Variants in CRPPA observed in about 807,000 individuals in gnomAD.
CRPPA encodes CDP-L-ribitol pyrophosphorylase A.
CRPPA carries 43 observed loss-of-function variants against 52.0 expected under a neutral mutation model. The observed-to-expected ratio is 0.83, with a 90% CI of 0.65 to 1.07. The LOEUF is 1.07. CRPPA is among the 50% of genes least tolerant of loss of function. The probability of loss-of-function intolerance (pLI) is 0.00; values close to 1 mark genes in which losing one functional copy is unlikely to be tolerated. For synonymous variants in CRPPA, 250 were observed against 203.5 expected, an observed-to-expected ratio of 1.23 and a Z score of -1.94; for missense variants, 629 against 551.7, an observed-to-expected ratio of 1.14 and a Z score of -1.40.
Position 16,400,034 on chromosome 7 carries a change from G to A in CRPPA, c.534+6027C>T, listed in dbSNP as rs182839833. On this transcript the variant is annotated intron_variant, in intron 2 of 9. Coordinates refer to ENST00000407010, the MANE Select transcript of CRPPA (RefSeq NM_001101426.4). ...GACTCGCGAATGACATGATTAGTAC[G>A]TGACGAATACACAACACGTGATTGG... 2.1e-3 allele frequency among the ~76,000 whole-genome samples: 318 copies of A among 152,208 alleles called. 2 individuals carry two copies. Among genetic ancestry groups the A allele is most frequent in the African/African-American group, 7.1e-3 (294 of 41,536 alleles).
intron 9 of CRPPA, among the ~76,000 whole-genome samples, chr7:16,117,497 A>G (rs1782399365): frequency 6.6e-6 from 1 of 152,188 alleles, no homozygotes; most frequent in Non-Finnish European, 1.5e-5. Flanking sequence ...GTCAGGAAGG[A>G]TGGAAGAGCA....
At chr7:16,116,628 C>T (rs182528055) in intron 9 of CRPPA, among the ~76,000 whole-genome samples, 8 of 129,922 alleles carry the variant, frequency 6.2e-5, no homozygotes, top group African/African-American at 2.2e-4. Context: ...CACCACTGCA[C>T]CCAGCCTGGG....
At chr7:16,380,146 T>A (rs1264955731) in intron 2 of CRPPA, among the ~76,000 whole-genome samples, 2 of 151,210 alleles carry the variant, frequency 1.3e-5, no homozygotes, top group Non-Finnish European at 2.9e-5. Context: ...CAGCTCTTAT[T>A]ATTTTGAGAT....
chr7:16,152,586 G>A (rs926442191), intron 9 of CRPPA, among the ~76,000 whole-genome samples: 1 of 152,062 alleles, frequency 6.6e-6, no homozygotes, highest in East Asian at 1.9e-4. Flanking sequence ...GGACTGAAAT[G>A]TTGTGAAACT....
chr7:16,288,653 T>G (rs1432475306), intron 5 of CRPPA, among the ~76,000 whole-genome samples: 1 of 151,534 alleles, frequency 6.6e-6, no homozygotes, highest in Admixed American at 6.6e-5. Context: ...TGAGGCCAGC[T>G]TGGCCAACAT....
chr7:16,257,211 G>C (rs564183971), intron 8 of CRPPA, among the ~76,000 whole-genome samples: 2 of 152,208 alleles, frequency 1.3e-5, no homozygotes, highest in South Asian at 4.1e-4. Flanking sequence ...TGAGTTCAAA[G>C]CCTTTGTTAT....
At chr7:16,102,096 T>G (rs1316737966) in intron 9 of CRPPA, among the ~76,000 whole-genome samples, 1 of 152,102 alleles carries the variant, frequency 6.6e-6, no homozygotes, top group Non-Finnish European at 1.5e-5. Context: ...ATGGTACTGG[T>G]ACCAAAACAG....
chr7:16,150,907 C>T (rs1328157442), intron 9 of CRPPA, among the ~76,000 whole-genome samples: 1 of 152,168 alleles, frequency 6.6e-6, no homozygotes, highest in African/African-American at 2.4e-5. Context: ...AATAAACCCT[C>T]TCTGGCAAAT....
In CRPPA at chr7:16,306,086, C is replaced by T. The variant is rs199851774; in HGVS notation, c.789+2437G>A. ...TCCACCTCCATCATCACATGGCCTT[C>T]TCCCTGTATCTGTGTCTCTTCTATT... is the stretch of plus-strand genomic sequence containing the variant. On this transcript the variant is annotated intron_variant, in intron 4 of 9. Transcript: ENST00000407010. Among the ~76,000 whole-genome samples the T allele has an allele frequency of 2.6e-3, 389 of 152,304 alleles. 15 individuals carry two copies. The East Asian group carries it at 0.057, about 22-fold the overall frequency.
At chr7:16,379,216 T>C (rs1787002588) in intron 2 of CRPPA, among the ~76,000 whole-genome samples, 1 of 152,240 alleles carries the variant, frequency 6.6e-6, no homozygotes, top group Non-Finnish European at 1.5e-5. Flanking sequence ...GCCTAGGTTT[T>C]CTTCTAGGGT....
chr7:16,358,198 T>A (rs938770625), intron 3 of CRPPA, among the ~76,000 whole-genome samples: 51 of 151,894 alleles, frequency 3.4e-4, no homozygotes, highest in African/African-American at 1.1e-3. Context: ...GCCACACACA[T>A]GGCCATGGCA....
intron 2 of CRPPA, among the ~76,000 whole-genome samples, chr7:16,376,552 G>A (rs1786893453): frequency 6.6e-6 from 1 of 151,806 alleles, no homozygotes; most frequent in East Asian, 1.9e-4. Flanking sequence ...GTTCCCTAAA[G>A]ATGAAGGAGG....
At chr7:16,094,160 C>T (rs1466267168) in intron 9 of CRPPA, among the ~76,000 whole-genome samples, 1 of 152,120 alleles carries the variant, frequency 6.6e-6, no homozygotes, top group Non-Finnish European at 1.5e-5. Flanking sequence ...GATTAATTTA[C>T]TTCTTCAATT....
chr7:16,114,295 TACACACAC>T (rs140597697), intron 9 of CRPPA, among the ~76,000 whole-genome samples: 4 of 147,056 alleles, frequency 2.7e-5, no homozygotes, highest in Non-Finnish European at 4.5e-5. Context: ...CACGCACACA[TACACACAC>T]ACACACACAC....
intron 3 of CRPPA, among the ~76,000 whole-genome samples, chr7:16,357,078 T>C (rs1040882330): frequency 2.0e-5 from 3 of 152,214 alleles, no homozygotes; most frequent in Non-Finnish European, 4.4e-5. Context: ...CATCTTCCTA[T>C]GGGAGCTGGA....
chr7:16,359,809 C>T (rs1786394821), intron 3 of CRPPA, among the ~76,000 whole-genome samples: 1 of 152,136 alleles, frequency 6.6e-6, no homozygotes, highest in African/African-American at 2.4e-5. Flanking sequence ...CCACTTTTAA[C>T]TTTCTTACCA....
At chr7:16,349,020 G>A (rs1025482165) in intron 3 of CRPPA, among the ~76,000 whole-genome samples, 3 of 152,208 alleles carry the variant, frequency 2.0e-5, no homozygotes, top group African/African-American at 7.2e-5. Context: ...ATCAGAGGGT[G>A]CAGCTTGAAT....
chr7:16,306,503 G>T (rs1403950108), intron 4 of CRPPA, among the ~76,000 whole-genome samples: 2 of 152,200 alleles, frequency 1.3e-5, no homozygotes, highest in African/African-American at 2.4e-5. Flanking sequence ...GTAATGTGCT[G>T]CTTCCTTTTC....
intron 1 of CRPPA, among the ~76,000 whole-genome samples, chr7:16,414,390 CACACACACACA>C (rs1788141658): frequency 1.5e-5 from 2 of 135,064 alleles, no homozygotes; most frequent in African/African-American, 3.2e-5. Context: ...CACACACACA[CACACACACACA>C]CCCCATGACA....
Sources: gnomAD v4.1 joint callset for allele counts (sites outside exome capture counted in the v4.1 genomes callset) on GRCh38, gnomAD v4.1.1 for gene constraint, MANE v1.5 for transcripts, NCBI Gene and HGNC (gene_info 2026-07-23, HGNC 2026-07-21) for gene names.